Variants in ARID4A observed in about 807,000 individuals in gnomAD.
The protein encoded by ARID4A is AT-rich interaction domain 4A.
In ARID4A, 39 loss-of-function variants were observed where a neutral mutation model predicts 148.6. The ratio of observed to expected loss-of-function variants is 0.26; its 90% CI spans 0.20 to 0.34. ARID4A has a LOEUF of 0.34. Among genes scored for constraint, ARID4A ranks in the 10% least tolerant of loss-of-function variants. The pLI, the probability that ARID4A is intolerant of heterozygous loss-of-function variation, is 1.00. For missense variants in ARID4A, 1,265 were observed against 1,449.1 expected (o/e 0.87, Z 2.06); for synonymous variants, 475 against 481.2 (o/e 0.99, Z 0.17).
intron 8 of ARID4A, among the ~76,000 whole-genome samples, chr14:58,324,092 G>A (rs2033082008): frequency 6.6e-6 from 1 of 151,570 alleles, no homozygotes; most frequent in African/African-American, 2.4e-5. Flanking sequence ...TTTTAGTAGA[G>A]ACAGGGTTTC....
chr14:58,356,578 A>G (rs990257438), intron 17 of ARID4A, among the ~76,000 whole-genome samples: 1 of 152,140 alleles, frequency 6.6e-6, no homozygotes, highest in African/African-American at 2.4e-5. Context: ...AGTGAGAGAT[A>G]GTTTTCAAAT....
At chr14:58,313,970 C>T (rs931890658) in intron 5 of ARID4A, among the ~76,000 whole-genome samples, 1 of 152,250 alleles carries the variant, frequency 6.6e-6, no homozygotes, top group Non-Finnish European at 1.5e-5. Context: ...TCCTCTGGCA[C>T]ACCCAGAAGT....
At chr14:58,299,727 A>G in intron 1 of ARID4A, 71 bp from the exon 2 acceptor site, 1 of 1,340,394 alleles carries the variant, frequency 7.5e-7, no homozygotes, top group Non-Finnish European at 1.1e-6. Context: ...GCGTTTGTTT[A>G]CTTTCTTTCC....
intron 17 of ARID4A, among the ~76,000 whole-genome samples, chr14:58,358,475 AAAAATAAAATTT>A (rs1230819355): frequency 1.3e-5 from 2 of 152,188 alleles, no homozygotes; most frequent in African/African-American, 4.8e-5. Context: ...CCCCAAAAAT[AAAAATAAAATTT>A]AAAATAAATT....
intron 15 of ARID4A, among the ~76,000 whole-genome samples, chr14:58,350,362 A>C (rs2034579776): frequency 6.6e-6 from 1 of 152,178 alleles, no homozygotes; most frequent in African/African-American, 2.4e-5. Context: ...TTCCAAGAAG[A>C]GGAGACTTCT....
chr14:58,307,355 C>T (rs181318962), intron 5 of ARID4A, among the ~76,000 whole-genome samples: 28 of 152,318 alleles, frequency 1.8e-4, no homozygotes, highest in African/African-American at 6.7e-4. Flanking sequence ...CTCTGTCTTA[C>T]CCTGTACCTT....
chr14:58,335,192 A>G (rs775403684), intron 11 of ARID4A, among the ~76,000 whole-genome samples: 2 of 152,140 alleles, frequency 1.3e-5, no homozygotes, highest in Non-Finnish European at 2.9e-5. Context: ...ATCCATGACG[A>G]CATCACATTT....
At chr14:58,360,487 AT>A (rs1436342342) in intron 18 of ARID4A, among the ~76,000 whole-genome samples, 2 of 152,154 alleles carry the variant, frequency 1.3e-5, no homozygotes, top group Admixed American at 6.5e-5. Flanking sequence ...TGCTGTAGAG[AT>A]TTGCCCATTG....
At chr14:58,370,927 C>T (rs375226242) in intron 23 of ARID4A, among the ~76,000 whole-genome samples, 10 of 152,210 alleles carry the variant, frequency 6.6e-5, no homozygotes, top group African/African-American at 2.2e-4. Flanking sequence ...AGTCTTTTCC[C>T]CATTTTTATT....
chr14:58,322,307 T>C (rs1469503009), intron 7 of ARID4A, among the ~76,000 whole-genome samples: 1 of 152,148 alleles, frequency 6.6e-6, no homozygotes, highest in Non-Finnish European at 1.5e-5. Flanking sequence ...TAATAAGTAC[T>C]CAGGACATGA....
At chr14:58,317,319 C>G (rs569093311) in intron 5 of ARID4A, among the ~76,000 whole-genome samples, 1 of 138,516 alleles carries the variant, frequency 7.2e-6, no homozygotes, top group African/African-American at 2.7e-5. Context: ...GAGTCTTGCT[C>G]TGTCGTAGAG....
intron 23 of ARID4A, 74 bp downstream of exon 23, chr14:58,367,103 T>C (rs1046557727): frequency 8.4e-7 from 1 of 1,193,040 alleles, no homozygotes; most frequent in African/African-American, 1.6e-5. Flanking sequence ...TTAAATTTGA[T>C]ACTCTTTGAA....
Position 58,360,950 on chromosome 14 carries a change from A to G in ARID4A, c.1988A>G (p.Lys663Arg). ...GAAAAGAGAGATGAGGAGAGGCAGA[A>G]GTCAAAACGGGGACGACCTCCTTTA... ...KDEKRDEERQKSKRGRPPLKS... is the reference protein window; with the variant it reads ...KDEKRDEERQRSKRGRPPLKS... Residue 663 changes from lysine to arginine, a missense_variant, in exon 19 of 24, where the codon AAG (lysine) becomes AGG (arginine). Physicochemically the swap from Lys to Arg is conservative, Grantham distance 26 (BLOSUM62 2). Around this residue, in one of 9 missense-constraint regions of ARID4A, gnomAD observed 666 missense variants for 730.9 expected, o/e 0.91. Transcript: ENST00000355431. 6.2e-7 allele frequency: 1 copy of G among 1,614,178 alleles called. No individual in the cohort carries two copies. Among genetic ancestry groups the G allele is most frequent in the Non-Finnish European group, 8.5e-7 (1 of 1,180,038 alleles).
intron 17 of ARID4A, among the ~76,000 whole-genome samples, chr14:58,355,117 C>T (rs551423859): frequency 9.8e-4 from 149 of 152,290 alleles, no homozygotes; most frequent in Non-Finnish European, 1.9e-3. Context: ...CAGGGGCTGC[C>T]TTTCTTGTTC....
Position 58,323,569 on chromosome 14 carries a change from T to C in ARID4A, c.534T>C (p.Val178=). The C allele has an allele frequency of 6.2e-7, 1 of 1,614,170 alleles. No homozygotes were observed. The highest frequency in any genetic ancestry group is 8.5e-7 in the Non-Finnish European group (1 of 1,180,030). Residue 178 remains valine (V), a synonymous_variant, in exon 8 of 24, where the codon GTT becomes GTC. Coordinates refer to ENST00000355431, the MANE Select transcript of ARID4A (RefSeq NM_002892.4). ...TCAATGATGAATTACTAGGAAAAGTTGTAAGTGTGGTGTCTGCAACGGAGA... is the reference window on the plus strand; with the variant it reads ...TCAATGATGAATTACTAGGAAAAGTCGTAAGTGTGGTGTCTGCAACGGAGA... ...RRLNDELLGK[V]VSVVSATERT... is the part of the protein sequence containing the mutation.
Position 58,372,260 on chromosome 14 carries a change from A to T in ARID4A, c.*271A>T. The T allele has an allele frequency of 2.9e-6, 1 of 344,518 alleles. No individual in the cohort carries two copies. The highest frequency in any genetic ancestry group is 5.3e-6 in the Non-Finnish European group (1 of 188,226). The allele number at this position is 344,518 out of a possible 1,614,324, so 21.3% of individuals were successfully genotyped here. On this transcript the variant is annotated 3_prime_UTR_variant, in exon 24 of 24. Coordinates refer to ENST00000355431, the MANE Select transcript of ARID4A (RefSeq NM_002892.4). ...TTTTCGTTTGTTGTGATATAGAACA[A>T]AGGGCACTTAGCAAATTTGAATTTG...
At chr14:58,328,975 G>C (rs1263045115) in intron 9 of ARID4A, among the ~76,000 whole-genome samples, 1 of 137,800 alleles carries the variant, frequency 7.3e-6, no homozygotes, top group African/African-American at 2.8e-5. Context: ...CCTGACGACA[G>C]AGTGAGACTC....
At chr14:58,299,890 C>CT (rs1245591338) in intron 2 of ARID4A, 30 bp downstream of exon 2, 1 of 1,614,094 alleles carries the variant, frequency 6.2e-7, no homozygotes, top group Non-Finnish European at 8.5e-7. Flanking sequence ...CCCCGATCCT[C>CT]GCGCCCTGAA....
At chr14:58,353,086 T>C in intron 16 of ARID4A, among the ~76,000 whole-genome samples, 1 of 152,200 alleles carries the variant, frequency 6.6e-6, no homozygotes, top group Middle Eastern at 3.2e-3. Context: ...CTAAGGTAGA[T>C]AGCCCTTGTT....
Sources: allele counts gnomAD v4.1 joint callset (sites outside exome capture counted in the v4.1 genomes callset), GRCh38; gene constraint gnomAD v4.1.1; regional missense constraint gnomAD v4.1.1; transcripts MANE v1.5; gene names NCBI Gene and HGNC (gene_info 2026-07-23, HGNC 2026-07-21).